The following ITPR1 variants were observed in gnomAD, a reference collection of about 807,000 sequenced individuals.
ITPR1 encodes the protein inositol 1,4,5-trisphosphate-gated calcium channel ITPR1.
A neutral mutation model predicts 318.4 loss-of-function variants in ITPR1; 96 were observed. The ratio of observed to expected loss-of-function variants is 0.30; its 90% CI spans 0.26 to 0.36. The LOEUF (loss-of-function observed/expected upper bound fraction) is 0.36. ITPR1 is among the 10% of genes least tolerant of loss of function. The pLI, the probability that ITPR1 is intolerant of heterozygous loss-of-function variation, is 1.00. For missense variants in ITPR1, 2,440 were observed against 3,460.2 expected (o/e 0.71, Z 7.40); for synonymous variants, 1,312 against 1,289.9 (o/e 1.02, Z -0.37).
rs185470374 is a variant in ITPR1, at chr3:4,784,149, A to G, written c.6615+229A>G. Reference sequence around the variant, plus strand: ...CTGAGCAACCTCTCATTCCTCACGAATTCACGAGGACAGGTGGGAGGCATC... The same window carrying G: ...CTGAGCAACCTCTCATTCCTCACGAGTTCACGAGGACAGGTGGGAGGCATC... On this transcript the variant is annotated intron_variant, in intron 51 of 61. Coordinates refer to ENST00000649015, the MANE Select transcript of ITPR1 (RefSeq NM_001378452.1). Among the ~76,000 whole-genome samples the G allele has an allele frequency of 4.6e-5, 7 of 152,244 alleles. No homozygotes were observed. In the East Asian group the frequency reaches 1.2e-3, roughly 25 times the overall value.
At chr3:4,680,508 A>G (rs773804992) in intron 24 of ITPR1, 45 bp from the exon 25 acceptor site, 2 of 1,584,976 alleles carry the variant, frequency 1.3e-6, no homozygotes, top group East Asian at 2.2e-5. Context: ...TCAAGATGGT[A>G]TGTTAATGTA....
In ITPR1 at chr3:4,663,135, C is replaced by G; in HGVS notation, c.1483C>G (p.Leu495Val). ...TGGTNSGQDV[L>V]EVVFSKPNRE... ...TGGAACTAATTCTGGTCAAGATGTT[C>G]TCGAAGTTGTCTTCTCCAAGCCCAA... is the stretch of plus-strand genomic sequence containing the variant. The change falls in exon 16 of 62, where the codon CTC becomes GTC. Residue 495 changes from leucine (L) to valine (V), a missense_variant. By Grantham distance (32) the Leu-to-Val change is conservative. This residue lies in a region of ITPR1 where 478 missense variants were observed against 696.3 expected (regional missense o/e 0.69). Transcript: ENST00000649015. The G allele has an allele frequency of 2.5e-6, 4 of 1,613,644 alleles. No homozygotes were observed. The highest frequency in any genetic ancestry group is 3.4e-6 in the Non-Finnish European group (4 of 1,179,656).
At chr3:4,623,672 A>G (rs946863148) in intron 4 of ITPR1, among the ~76,000 whole-genome samples, 7 of 152,228 alleles carry the variant, frequency 4.6e-5, no homozygotes, top group African/African-American at 1.7e-4. Flanking sequence ...GCAAAGGGCA[A>G]TATGGAACCT....
At chr3:4,694,572 A>G (rs1039654990) in intron 33 of ITPR1, among the ~76,000 whole-genome samples, 1 of 152,196 alleles carries the variant, frequency 6.6e-6, no homozygotes, top group African/African-American at 2.4e-5. Context: ...ACACAAACCT[A>G]GATGGCACAG....
At chr3:4,796,274 C>T (rs536732415) in intron 53 of ITPR1, among the ~76,000 whole-genome samples, 13 of 147,538 alleles carry the variant, frequency 8.8e-5, no homozygotes, top group Admixed American at 7.5e-4. Flanking sequence ...CCGAAAAGTA[C>T]AATCTAAACA....
rs1205572486 is a variant in ITPR1 at position 4,493,371 on chromosome 3, C to G, written c.-327C>G. On this transcript the variant is annotated 5_prime_UTR_variant, in exon 1 of 62. Transcript: ENST00000649015. ...GTGCAGTAACCATGTGGATGTGCTG[C>G]TGAAGCGTTTCCTCAAGCTCGCTGG... 2 of 154,422 alleles carry G rather than the reference C, an allele frequency of 1.3e-5. No individual in the cohort carries two copies. Among genetic ancestry groups the G allele is most frequent in the East Asian group, 3.9e-4 (2 of 5,182 alleles). The allele number at this position is 154,422 out of a possible 1,614,324, so 9.6% of individuals were successfully genotyped here.
chr3:4,615,644 T>A (rs944308685), intron 4 of ITPR1, among the ~76,000 whole-genome samples: 2 of 152,314 alleles, frequency 1.3e-5, no homozygotes, highest in African/African-American at 4.8e-5. Flanking sequence ...CCCAAAGTGC[T>A]GGGATTACAG....
intron 4 of ITPR1, among the ~76,000 whole-genome samples, chr3:4,622,550 A>G (rs940330945): frequency 3.3e-5 from 5 of 151,188 alleles, no homozygotes; most frequent in Admixed American, 3.3e-4. Context: ...CAGCCTCCTG[A>G]GTAGCTGGGA....
At chr3:4,742,098 C>A (rs2043747567) in intron 44 of ITPR1, among the ~76,000 whole-genome samples, 1 of 152,108 alleles carries the variant, frequency 6.6e-6, no homozygotes, top group Non-Finnish European at 1.5e-5. Context: ...ACCAGCTTGG[C>A]TCCTTTGAGA....
At chr3:4,634,652 G>A (rs747073519) in intron 5 of ITPR1, among the ~76,000 whole-genome samples, 2 of 152,198 alleles carry the variant, frequency 1.3e-5, no homozygotes, top group African/African-American at 4.8e-5. Context: ...CGTAAATTGT[G>A]TTCCTCAAAG....
At chr3:4,832,111 T>C (rs3805030) in intron 60 of ITPR1, among the ~76,000 whole-genome samples, 46,509 of 152,162 alleles carry the variant, frequency 0.31, 7,494 homozygotes, top group East Asian at 0.54. Context: ...AAAACACTGG[T>C]AACACCTAAA....
chr3:4,756,734 A>T (rs543891299), intron 44 of ITPR1, among the ~76,000 whole-genome samples: 3 of 152,082 alleles, frequency 2.0e-5, no homozygotes, highest in Non-Finnish European at 2.9e-5. Context: ...ATTGCCATTC[A>T]TTGTGTTTTT....
intron 2 of ITPR1, among the ~76,000 whole-genome samples, chr3:4,505,404 G>A (rs182656600): frequency 1.6e-3 from 241 of 152,320 alleles, no homozygotes; most frequent in Non-Finnish European, 3.0e-3. Context: ...TGTTGGCCAG[G>A]ATGGTCTCAA....
intron 4 of ITPR1, among the ~76,000 whole-genome samples, chr3:4,525,803 T>TC (rs1281512018): frequency 6.6e-6 from 1 of 152,188 alleles, no homozygotes; most frequent in Non-Finnish European, 1.5e-5. Context: ...GTTAGTGAAT[T>TC]CCTTTATCTG....
At chr3:4,647,175 C>T (rs550263183) in intron 10 of ITPR1, among the ~76,000 whole-genome samples, 65 of 149,836 alleles carry the variant, frequency 4.3e-4, no homozygotes, top group African/African-American at 1.5e-3. Context: ...GTTTTTTTTT[C>T]ACTCAGTATA....
chr3:4,777,972 C>T (rs1453616435), intron 48 of ITPR1, among the ~76,000 whole-genome samples: 3 of 152,276 alleles, frequency 2.0e-5, no homozygotes, highest in South Asian at 2.1e-4. Flanking sequence ...TGTACAAATG[C>T]GGGACTGCAG....
chr3:4,525,773 C>T (rs913626908), intron 4 of ITPR1, among the ~76,000 whole-genome samples: 3 of 152,298 alleles, frequency 2.0e-5, no homozygotes, highest in Admixed American at 6.5e-5. Flanking sequence ...CAGATTGAAA[C>T]AGGGAATAGA....
At chr3:4,784,241 T>C (rs988453229) in intron 51 of ITPR1, among the ~76,000 whole-genome samples, 2 of 152,040 alleles carry the variant, frequency 1.3e-5, no homozygotes, top group African/African-American at 4.8e-5. Context: ...TCTGAAGAAA[T>C]TTCATCTGAA....
In ITPR1 at chr3:4,536,390, C is replaced by G. The variant is rs142063639; in HGVS notation, c.163+15296C>G. Among the ~76,000 whole-genome samples the G allele has an allele frequency of 3.1e-3, 472 of 152,270 alleles. 4 individuals carry two copies. Among genetic ancestry groups the G allele is most frequent in the African/African-American group, 0.011 (448 of 41,530 alleles). On this transcript the variant is annotated intron_variant, in intron 4 of 61. Transcript: ENST00000649015. Reference sequence around the variant, plus strand: ...TTTGTTTGACGTTTTTACCATTTTGCATGTTTCTGTAGTGGCATCTCAACT... The same window carrying G: ...TTTGTTTGACGTTTTTACCATTTTGGATGTTTCTGTAGTGGCATCTCAACT...
Sources: gnomAD v4.1 joint callset for allele counts (sites outside exome capture counted in the v4.1 genomes callset) on GRCh38, gnomAD v4.1.1 for gene constraint, gnomAD v4.1.1 regional missense constraint, MANE v1.5 for transcripts, NCBI Gene and HGNC (gene_info 2026-07-23, HGNC 2026-07-21) for gene names.